TSC1: variants seen among roughly 807,000 people sequenced by gnomAD.
TSC1 encodes the protein TSC complex subunit 1, also known as hamartin.
In TSC1, 20 loss-of-function variants were observed where a neutral mutation model predicts 124.3. The ratio of observed to expected loss-of-function variants is 0.16; its 90% CI spans 0.11 to 0.23. TSC1 has a LOEUF of 0.23. Among genes scored for constraint, TSC1 ranks in the 10% least tolerant of loss-of-function variants. The pLI, the probability that TSC1 is intolerant of heterozygous loss-of-function variation, is 1.00. For missense variants in TSC1, 1,124 were observed against 1,448.5 expected, an observed-to-expected ratio of 0.78 and a Z score of 3.64; for synonymous variants, 493 against 539.1, an observed-to-expected ratio of 0.91 and a Z score of 1.19.
chr9:132,900,324 T>G, intron 20 of TSC1: 2 of 259,644 alleles, frequency 7.7e-6, no homozygotes, highest in Admixed American at 5.0e-5. Flanking sequence ...AAATCCAACA[T>G]TAAAAGGAAA....
chr9:132,913,102 C>T (rs1372684271), intron 8 of TSC1, among the ~76,000 whole-genome samples: 1 of 151,956 alleles, frequency 6.6e-6, no homozygotes, highest in Non-Finnish European at 1.5e-5. Flanking sequence ...CCGTGCCTGG[C>T]TAATATTCTT....
rs575841690 is a variant in TSC1, at chr9:132,936,946, G to A, written c.-143-1851C>T. On this transcript the variant is annotated intron_variant, in intron 1 of 22. Coordinates refer to ENST00000298552, the MANE Select transcript of TSC1 (RefSeq NM_000368.5). The stretch of plus-strand genomic sequence containing the variant: ...GAGGAACTCTCTAACAATTAAAATC[G>A]CTTGTTCCAGATGACAGAGTAATTA... Among the ~76,000 whole-genome samples the A allele has an allele frequency of 2.1e-4, 32 of 152,290 alleles. No individual in the cohort carries two copies. The South Asian group carries it at 2.3e-3, about 11-fold the overall frequency.
rs79638006 is a variant in TSC1 at position 132,902,324 on chromosome 9, T to A, written c.2391+281A>T. On this transcript the variant is annotated intron_variant, in intron 18 of 22. Transcript: ENST00000298552. The surrounding 1 kb of genome is among the most constrained non-coding windows in gnomAD (Gnocchi z 5.2). ...ATTCGTACTCACTAAGTTATTCAGA[T>A]CTACTTAATGAGCAGAACTGTTAAC... Among the ~76,000 whole-genome samples the A allele has an allele frequency of 3.5e-3, 532 of 152,318 alleles. 14 individuals are homozygous for A. In the East Asian group the frequency reaches 0.075, roughly 22 times the overall value.
rs1407607580 is a variant in TSC1, at chr9:132,895,531, C to A, written c.*704G>T. On this transcript the variant is annotated 3_prime_UTR_variant, in exon 23 of 23. Coordinates refer to ENST00000298552, the MANE Select transcript of TSC1 (RefSeq NM_000368.5). ...TAAGAGGTAGTGGGGGAAGAAGAGA[C>A]AAGAGCTTTCCCAAAGGGTGTGTGG... The A allele has an allele frequency of 4.3e-6, 1 of 233,786 alleles. No individual in the cohort carries two copies. Among genetic ancestry groups the A allele is most frequent in the Non-Finnish European group, 8.5e-6 (1 of 118,302 alleles). 14.5% of individuals were successfully genotyped at this position (233,786 alleles called of 1,614,324 possible).
chr9:132,928,634 T>C (rs1320156187), intron 3 of TSC1, 133 bp downstream of exon 3: 14 of 1,105,208 alleles, frequency 1.3e-5, no homozygotes, highest in South Asian at 4.1e-5. Context: ...AAAACACATA[T>C]AGATACTCTC....
At position 132,902,724 on chromosome 9, in the gene TSC1, G is replaced by T. The variant is rs397514783; in HGVS notation, c.2272C>A (p.Gln758Lys). ...TCCTGGAGCTGATTGTATCTAGCTT[G>T]TTCTTTCTGCAGACTAACCTTCCAC... ...QMWKVSLQKE[Q>K]ARYNQLQEQR... Residue 758 changes from glutamine (Q) to lysine (K), a missense_variant, in exon 18 of 23, where the codon CAA becomes AAA. Gln to Lys is a moderately conservative substitution (Grantham distance 53). Around this residue, in one of 5 missense-constraint regions of TSC1, gnomAD observed 321 missense variants for 397.4 expected, o/e 0.81. Coordinates refer to ENST00000298552, the MANE Select transcript of TSC1 (RefSeq NM_000368.5). This position sits in a 1 kb window ranked among gnomAD's most constrained non-coding sequence, Gnocchi z 5.2. 12 of 1,614,136 alleles carry T rather than the reference G, an allele frequency of 7.4e-6. No individual in the cohort carries two copies. Among genetic ancestry groups the T allele is most frequent in the Non-Finnish European group, 1.0e-5 (12 of 1,180,024 alleles).
Position 132,928,140 on chromosome 9 carries a change from C to T in TSC1, c.106+627G>A, listed in dbSNP as rs191092064. On this transcript the variant is annotated intron_variant, in intron 3 of 22. Transcript: ENST00000298552. The stretch of plus-strand genomic sequence containing the variant: ...GCCTATTTCATTTCTTTCCGTCCTC[C>T]TAGTGTTCCACTGCATGGCTCTACA... Among the ~76,000 whole-genome samples the T allele has an allele frequency of 8.5e-5, 13 of 152,300 alleles. No homozygotes were observed. The East Asian group carries it at 2.5e-3, about 29-fold the overall frequency.
chr9:132,926,704 G>A (rs757257133), intron 4 of TSC1: 15 of 167,322 alleles, frequency 9.0e-5, no homozygotes, highest in Admixed American at 1.7e-4. Context: ...TTTTGAGACA[G>A]TTTCACTCTT....
intron 15 of TSC1, 70 bp from the exon 16 acceptor site, chr9:132,904,524 T>G (rs1845555304): frequency 1.3e-6 from 2 of 1,500,862 alleles, no homozygotes; most frequent in Non-Finnish European, 1.9e-6. Context: ...GGACTTTTAT[T>G]TGCAGCAAAG....
chr9:132,919,318 CA>C (rs1027399556), intron 8 of TSC1, among the ~76,000 whole-genome samples: 4 of 152,148 alleles, frequency 2.6e-5, no homozygotes, highest in African/African-American at 9.7e-5. Context: ...AACAGGAAAT[CA>C]AGCACAAAAC....
rs945697873 is a variant in TSC1 at position 132,895,953 on chromosome 9, G to C, written c.*282C>G. 9.9e-6 allele frequency: 5 copies of C among 505,142 alleles called. No homozygotes were observed. The highest frequency in any genetic ancestry group is 3.4e-5 in the East Asian group (1 of 29,106). 31.3% of individuals were successfully genotyped at this position (505,142 alleles called of 1,614,324 possible). On this transcript the variant is annotated 3_prime_UTR_variant, in exon 23 of 23. Transcript: ENST00000298552. The stretch of plus-strand genomic sequence containing the variant: ...CGCAACCATTTGGGGGGGAAAGGAA[G>C]AAAGTAAAGCTACTGAGGAACACCA...
chr9:132,942,768 T>C (rs945301909), intron 1 of TSC1, among the ~76,000 whole-genome samples: 4 of 152,224 alleles, frequency 2.6e-5, no homozygotes, highest in African/African-American at 7.2e-5. Context: ...TTGGATAAGA[T>C]ATTAACTTTA....
Position 132,894,512 on chromosome 9 carries a change from A to G in TSC1, c.*1723T>C. On this transcript the variant is annotated 3_prime_UTR_variant, in exon 23 of 23. Coordinates refer to ENST00000298552, the MANE Select transcript of TSC1 (RefSeq NM_000368.5). ...ACTAATACTCCACATCTGACAATTCAGTACCAACTGCCAGCCTGTGCTAGG... is the reference window on the plus strand; with the variant it reads ...ACTAATACTCCACATCTGACAATTCGGTACCAACTGCCAGCCTGTGCTAGG... The G allele has an allele frequency of 4.4e-6, 1 of 228,280 alleles. No homozygotes were observed. Among genetic ancestry groups the G allele is most frequent in the Non-Finnish European group, 8.7e-6 (1 of 114,656 alleles). The allele number at this position is 228,280 out of a possible 1,614,324, so 14.1% of individuals were successfully genotyped here. A position where few individuals can be genotyped will look rare whatever the true frequency, so the allele number is the denominator to read the frequency against.
Position 132,923,331 on chromosome 9 carries a change from T to C in TSC1, c.508+17A>G, listed in dbSNP as rs763034091. ...TTCACCTCACAGGGCCCAACAGGTA[T>C]ATGAGGAGATCTGTACCTGGTTTCT... On this transcript the variant is annotated intron_variant, in intron 6 of 22. Coordinates refer to ENST00000298552, the MANE Select transcript of TSC1 (RefSeq NM_000368.5). This position sits in a 1 kb window ranked among gnomAD's most constrained non-coding sequence, Gnocchi z 4.2. 3 of 1,613,814 alleles carry C rather than the reference T, an allele frequency of 1.9e-6. No homozygotes were observed. The highest frequency in any genetic ancestry group is 2.5e-6 in the Non-Finnish European group (3 of 1,179,900).
At chr9:132,927,089 G>T in intron 4 of TSC1, 112 bp downstream of exon 4, 2 of 995,114 alleles carry the variant, frequency 2.0e-6, no homozygotes, top group Non-Finnish European at 3.1e-6. Flanking sequence ...TGTCATCAGT[G>T]GCGCACAGAA....
At chr9:132,901,472 TC>T in intron 19 of TSC1, 116 bp downstream of exon 19, 1 of 967,242 alleles carries the variant, frequency 1.0e-6, no homozygotes, top group South Asian at 1.3e-5. Flanking sequence ...CAGAACCACT[TC>T]CTGTTGGGAA....
chr9:132,931,927 C>G (rs987212277), intron 2 of TSC1, among the ~76,000 whole-genome samples: 1 of 152,196 alleles, frequency 6.6e-6, no homozygotes, highest in African/African-American at 2.4e-5. Flanking sequence ...ACACACTTTA[C>G]AGCCTATAGA....
At chr9:132,901,773 C>T in intron 18 of TSC1, 74 bp from the exon 19 acceptor site, 7 of 1,348,670 alleles carry the variant, frequency 5.2e-6, no homozygotes, top group Non-Finnish European at 7.4e-6. Context: ...TAGCCACCAG[C>T]CCACAGAGGA....
chr9:132,944,262 G>GC (rs1363345546), intron 1 of TSC1, among the ~76,000 whole-genome samples: 2 of 152,106 alleles, frequency 1.3e-5, no homozygotes, highest in Non-Finnish European at 2.9e-5. Flanking sequence ...AGGGACCGAG[G>GC]CCCAGGGTGC....
Sources: gnomAD v4.1 joint callset for allele counts (sites outside exome capture counted in the v4.1 genomes callset) on GRCh38, gnomAD v4.1.1 for gene constraint, gnomAD v4.1.1 regional missense constraint, Gnocchi (gnomAD v3.1) non-coding constraint, MANE v1.5 for transcripts, NCBI Gene and HGNC (gene_info 2026-07-23, HGNC 2026-07-21) for gene names.